The following ZHX3 variants were observed in gnomAD, a reference collection of about 807,000 sequenced individuals.
ZHX3 encodes zinc fingers and homeoboxes protein 3.
In ZHX3, 20 loss-of-function variants were observed where a neutral mutation model predicts 64.5. That is an observed-to-expected ratio of 0.31 (90% CI 0.22 to 0.45). ZHX3 has a LOEUF of 0.45. Among genes scored for constraint, ZHX3 ranks in the 20% least tolerant of loss-of-function variants. The pLI, the probability that ZHX3 is intolerant of heterozygous loss-of-function variation, is 1.00. For synonymous variants in ZHX3, 423 were observed against 461.6 expected, an observed-to-expected ratio of 0.92 and a Z score of 1.07; for missense variants, 1,041 against 1,195.8, an observed-to-expected ratio of 0.87 and a Z score of 1.91.
chr20:41,276,118 C>A (rs2043365109), intron 1 of ZHX3, among the ~76,000 whole-genome samples: 1 of 152,276 alleles, frequency 6.6e-6, no homozygotes, highest in South Asian at 2.1e-4. Context: ...GCCCCTCAAA[C>A]CCAGAGCTGA....
At chr20:41,231,713 G>A (rs1266755119) in intron 2 of ZHX3, among the ~76,000 whole-genome samples, 2 of 152,074 alleles carry the variant, frequency 1.3e-5, no homozygotes, top group African/African-American at 2.4e-5. Context: ...TGAATAAAAT[G>A]CAGGAAAATT....
chr20:41,246,027 C>A lies in ZHX3; in HGVS notation c.-151+22963G>T, dbSNP rs1365964793. Among the ~76,000 whole-genome samples, 3 of 152,188 alleles carry A rather than the reference C, an allele frequency of 2.0e-5. No homozygotes were observed. The South Asian group carries it at 6.2e-4, about 31-fold the overall frequency. ...CCTTGGTATCTAACTAGGAGCTGATCCATTAACCAGGAATATATTTTTGAT... is the reference window on the plus strand; with the variant it reads ...CCTTGGTATCTAACTAGGAGCTGATACATTAACCAGGAATATATTTTTGAT... On this transcript the variant is annotated intron_variant, in intron 2 of 3. Transcript: ENST00000683867.
chr20:41,256,432 A>C (rs2042255730), intron 2 of ZHX3, among the ~76,000 whole-genome samples: 1 of 152,030 alleles, frequency 6.6e-6, no homozygotes, highest in Non-Finnish European at 1.5e-5. Flanking sequence ...AACTGACTTA[A>C]TACCAACTAA....
chr20:41,200,634 C>G lies in ZHX3; in HGVS notation c.2860+1423G>C, dbSNP rs960528953. 1.3e-5 allele frequency among the ~76,000 whole-genome samples: 2 copies of G among 152,136 alleles called. No individual in the cohort carries two copies. The highest frequency in any genetic ancestry group is 2.9e-5 in the Non-Finnish European group (2 of 68,032). ...TGTAAGGGAGCCAGTGGCCCTTGTACTCCTACCCTAAGTGCTGACCAGGGC... is the reference window on the plus strand; with the variant it reads ...TGTAAGGGAGCCAGTGGCCCTTGTAGTCCTACCCTAAGTGCTGACCAGGGC... On this transcript the variant is annotated intron_variant, in intron 3 of 3. Coordinates refer to ENST00000683867, the MANE Select transcript of ZHX3 (RefSeq NM_001384317.1). The surrounding 1 kb of genome is among the most constrained non-coding windows in gnomAD (Gnocchi z 4.2).
chr20:41,211,026 A>G (rs1159079538), intron 2 of ZHX3, among the ~76,000 whole-genome samples: 3 of 152,152 alleles, frequency 2.0e-5, no homozygotes, highest in African/African-American at 7.2e-5. Flanking sequence ...CACACTTTTA[A>G]AATGCTAAGA....
intron 1 of ZHX3, among the ~76,000 whole-genome samples, chr20:41,299,549 G>A (rs1471346353): frequency 6.6e-6 from 1 of 152,116 alleles, no homozygotes; most frequent in Non-Finnish European, 1.5e-5. Context: ...AAATTCAAGA[G>A]TAGAAAAAGA....
intron 2 of ZHX3, among the ~76,000 whole-genome samples, chr20:41,230,633 T>C (rs2040546736): frequency 6.6e-6 from 1 of 152,214 alleles, no homozygotes. Flanking sequence ...ATCAATTACA[T>C]GTTAAAATAT....
At chr20:41,266,660 C>T (rs1283976107) in intron 2 of ZHX3, among the ~76,000 whole-genome samples, 1 of 151,778 alleles carries the variant, frequency 6.6e-6, no homozygotes, top group Non-Finnish European at 1.5e-5. Context: ...ATTCTCCTGC[C>T]TCAGCCTCCC....
chr20:41,192,174 T>C (rs2037080064), intron 3 of ZHX3, among the ~76,000 whole-genome samples: 1 of 152,096 alleles, frequency 6.6e-6, no homozygotes, highest in Non-Finnish European at 1.5e-5. Flanking sequence ...GGCCCACAAG[T>C]GGTACATACA....
intron 1 of ZHX3, among the ~76,000 whole-genome samples, chr20:41,301,009 T>G (rs1222150775): frequency 6.6e-6 from 1 of 152,130 alleles, no homozygotes; most frequent in African/African-American, 2.4e-5. Context: ...AGGTGCCCTT[T>G]GCCTGAGACA....
At chr20:41,285,607 A>G (rs556782610) in intron 1 of ZHX3, among the ~76,000 whole-genome samples, 1 of 152,386 alleles carries the variant, frequency 6.6e-6, no homozygotes, top group Non-Finnish European at 1.5e-5. Context: ...TTACTGTATC[A>G]ATAAACTGAT....
At chr20:41,227,057 T>C (rs1490832172) in intron 2 of ZHX3, among the ~76,000 whole-genome samples, 1 of 152,224 alleles carries the variant, frequency 6.6e-6, no homozygotes, top group African/African-American at 2.4e-5. Context: ...ATCAGCCTTA[T>C]CATTACAGCC....
At chr20:41,313,743 G>A (rs774480104) in intron 1 of ZHX3, among the ~76,000 whole-genome samples, 4 of 151,946 alleles carry the variant, frequency 2.6e-5, no homozygotes, top group Non-Finnish European at 4.4e-5. Flanking sequence ...AACTACAGGC[G>A]CCCGCCAACA....
chr20:41,217,099 C>T (rs2039584467), intron 2 of ZHX3, among the ~76,000 whole-genome samples: 1 of 152,004 alleles, frequency 6.6e-6, no homozygotes, highest in Non-Finnish European at 1.5e-5. Context: ...TTTTTTGGAG[C>T]CCATCTACCA....
intron 2 of ZHX3, among the ~76,000 whole-genome samples, chr20:41,213,467 A>G (rs1201389777): frequency 1.3e-5 from 2 of 152,158 alleles, no homozygotes; most frequent in Non-Finnish European, 2.9e-5. Flanking sequence ...GGCCCTAGAG[A>G]AGCTGAATGG....
intron 2 of ZHX3, among the ~76,000 whole-genome samples, chr20:41,217,641 A>G (rs559798419): frequency 2.4e-4 from 37 of 152,306 alleles, no homozygotes; most frequent in African/African-American, 8.4e-4. Context: ...ATGACCGAAA[A>G]GAAAACAGAA....
chr20:41,277,646 C>T (rs958761977), intron 1 of ZHX3, among the ~76,000 whole-genome samples: 1 of 150,896 alleles, frequency 6.6e-6, no homozygotes, highest in Non-Finnish European at 1.5e-5. Context: ...GGTTGGAGTG[C>T]AGTGGTGTGA....
At chr20:41,297,401 T>C (rs2044588643) in intron 1 of ZHX3, among the ~76,000 whole-genome samples, 1 of 152,222 alleles carries the variant, frequency 6.6e-6, no homozygotes, top group Non-Finnish European at 1.5e-5. Flanking sequence ...TTTTAAATCT[T>C]CAGTCCAGCC....
At chr20:41,313,926 A>G (rs1344671033) in intron 1 of ZHX3, among the ~76,000 whole-genome samples, 1 of 150,566 alleles carries the variant, frequency 6.6e-6, no homozygotes, top group Admixed American at 6.5e-5. Context: ...AATAATTTTC[A>G]TTTAGGATTC....
Sources: gnomAD v4.1 joint callset for allele counts (sites outside exome capture counted in the v4.1 genomes callset) on GRCh38, gnomAD v4.1.1 for gene constraint, Gnocchi (gnomAD v3.1) non-coding constraint, MANE v1.5 for transcripts, NCBI Gene and HGNC (gene_info 2026-07-23, HGNC 2026-07-21) for gene names.